PHKA1: variants seen among roughly 807,000 people sequenced by gnomAD.
The protein encoded by PHKA1 is phosphorylase kinase regulatory subunit alpha 1.
In PHKA1, 60 loss-of-function variants were observed where a neutral mutation model predicts 110.2. The observed-to-expected ratio is 0.54, with a 90% CI of 0.44 to 0.68. The LOEUF (loss-of-function observed/expected upper bound fraction) is 0.68. Among genes scored for constraint, PHKA1 ranks in the 30% least tolerant of loss-of-function variants. PHKA1 has a pLI of 0.00. For missense variants in PHKA1, 801 were observed against 942.5 expected, an observed-to-expected ratio of 0.85 and a Z score of 1.97; for synonymous variants, 316 against 333.6, an observed-to-expected ratio of 0.95 and a Z score of 0.58.
chrX:72,653,392 CCTCTT>C (rs782335812), intron 11 of PHKA1, 38 bp downstream of exon 11: 1 of 846,127 alleles, frequency 1.2e-6, no homozygotes, highest in Non-Finnish European at 1.8e-6. Context: ...AGGTACTGCT[CCTCTT>C]CTCTATCAGC....
chrX:72,675,583 G>A (rs781839081), intron 6 of PHKA1, among the ~76,000 whole-genome samples: 1 of 111,205 alleles, frequency 9.0e-6, no homozygotes, highest in Non-Finnish European at 1.9e-5. Context: ...TCTTCTTGCT[G>A]TTTCCAGAGA....
rs2147632133 is a variant in PHKA1 at position 72,578,852 on chromosome X, G to A, written c.*2150C>T. The A allele has an allele frequency of 9.0e-6, 1 of 111,475 alleles. No homozygotes were observed. The highest frequency in any genetic ancestry group is 9.6e-5 in the Admixed American group (1 of 10,468). The allele number at this position is 111,475 out of a possible 1,213,427, so 9.2% of individuals were successfully genotyped here. On this transcript the variant is annotated 3_prime_UTR_variant, in exon 32 of 32. Coordinates refer to ENST00000373542, the MANE Select transcript of PHKA1 (RefSeq NM_002637.4). ...ATTGGCACCAGACATGATTTAATTGGAAATTCTTATTATTTATTCTATTTT... is the reference window on the plus strand; with the variant it reads ...ATTGGCACCAGACATGATTTAATTGAAAATTCTTATTATTTATTCTATTTT...
At chrX:72,637,037 T>A (rs1383807381) in intron 14 of PHKA1, among the ~76,000 whole-genome samples, 2 of 111,858 alleles carry the variant, frequency 1.8e-5, no homozygotes, top group African/African-American at 6.5e-5. Context: ...TTTTTGTTTC[T>A]ATTTAATACT....
chrX:72,582,115 C>G (rs1223099340), intron 31 of PHKA1, among the ~76,000 whole-genome samples: 1 of 111,824 alleles, frequency 8.9e-6, no homozygotes, highest in Non-Finnish European at 1.9e-5. Context: ...AAATATGATG[C>G]TAATGGTATG....
At chrX:72,683,994 CTT>C (rs1184798259) in intron 5 of PHKA1, among the ~76,000 whole-genome samples, 1 of 112,203 alleles carries the variant, frequency 8.9e-6, no homozygotes, top group African/African-American at 3.2e-5. Flanking sequence ...TAGTGTCTAA[CTT>C]AACATTTTAT....
At chrX:72,643,656 T>G (rs1335460743) in intron 14 of PHKA1, among the ~76,000 whole-genome samples, 1 of 111,801 alleles carries the variant, frequency 8.9e-6, no homozygotes, top group Non-Finnish European at 1.9e-5. Context: ...TATAGTCTGG[T>G]CTTCCTCTGA....
At position 72,668,815 on chromosome X, in the gene PHKA1, C is replaced by G. The variant is rs149934719; in HGVS notation, c.619-1342G>C. On this transcript the variant is annotated intron_variant, in intron 6 of 31. Coordinates refer to ENST00000373542, the MANE Select transcript of PHKA1 (RefSeq NM_002637.4). ...GCCTCAAAGTCTTAATTCATTCCAG[C>G]ACCAAGGATAAGACTCAAAAGTCCA... 4.7e-3 allele frequency among the ~76,000 whole-genome samples: 522 copies of G among 111,672 alleles called. 3 individuals are homozygous for G. The highest frequency in any genetic ancestry group is 0.015 in the African/African-American group (472 of 30,721).
chrX:72,596,413 A>G (rs2147665677), intron 28 of PHKA1, among the ~76,000 whole-genome samples: 1 of 111,796 alleles, frequency 8.9e-6, no homozygotes, highest in East Asian at 2.8e-4. Context: ...TATATTGTAC[A>G]CTTAAAAATT....
Position 72,701,092 on chromosome X carries a change from A to G in PHKA1, c.285+4106T>C, listed in dbSNP as rs191631558. Reference sequence around the variant, plus strand: ...ATTCTTAACTTATGGCAATACAGTTATTTGCGTAAGTGCAATAAGAATCTG... The same window carrying G: ...ATTCTTAACTTATGGCAATACAGTTGTTTGCGTAAGTGCAATAAGAATCTG... On this transcript the variant is annotated intron_variant, in intron 3 of 31. Transcript: ENST00000373542. 4.4e-5 allele frequency among the ~76,000 whole-genome samples: 5 copies of G among 112,547 alleles called. No homozygotes were observed. The Admixed American group carries it at 4.7e-4, about 11-fold the overall frequency.
At chrX:72,635,562 T>A (rs1329741879) in intron 15 of PHKA1, among the ~76,000 whole-genome samples, 1 of 111,766 alleles carries the variant, frequency 8.9e-6, no homozygotes, top group African/African-American at 3.3e-5. Flanking sequence ...AGTGAGGGCT[T>A]TTCTTCTTTT....
chrX:72,600,674 C>A (rs1489228971), intron 28 of PHKA1, among the ~76,000 whole-genome samples: 1 of 111,106 alleles, frequency 9.0e-6, no homozygotes, highest in African/African-American at 3.3e-5. Context: ...GGCTCATTGT[C>A]TTCCTAAATG....
rs185271955 is a variant in PHKA1, at chrX:72,605,214, C to T, written c.2815+57G>A. 2.2e-5 allele frequency: 24 copies of T among 1,067,619 alleles called. No homozygotes were observed. The African/African-American group carries it at 2.4e-4, about 11-fold the overall frequency. The allele number at this position is 1,067,619 out of a possible 1,213,427, so 88.0% of individuals were successfully genotyped here. On this transcript the variant is annotated intron_variant, in intron 25 of 31. Transcript: ENST00000373542. Reference sequence around the variant, plus strand: ...GCTTTCTTTCTTTCCTTATTCCAAACTCTATAAACTTACATCAAAAGTGAA... The same window carrying T: ...GCTTTCTTTCTTTCCTTATTCCAAATTCTATAAACTTACATCAAAAGTGAA...
At chrX:72,582,723 C>T in intron 30 of PHKA1, 125 bp from the exon 31 acceptor site, 3 of 530,496 alleles carry the variant, frequency 5.7e-6, no homozygotes, top group Non-Finnish European at 1.0e-5. Flanking sequence ...TTCAAAATAA[C>T]TGAGTGAGTA....
At chrX:72,625,240 C>T (rs1251868495) in intron 17 of PHKA1, among the ~76,000 whole-genome samples, 9 of 111,616 alleles carry the variant, frequency 8.1e-5, no homozygotes, top group Non-Finnish European at 1.7e-4. Context: ...AGTTTGCAAT[C>T]CTCACCTACC....
chrX:72,612,843 A>G (rs191355317), intron 21 of PHKA1, among the ~76,000 whole-genome samples: 5 of 111,667 alleles, frequency 4.5e-5, no homozygotes, highest in African/African-American at 1.6e-4. Flanking sequence ...TGACTTACCT[A>G]ATTTCTGAGG....
chrX:72,668,928 C>G (rs906663412), intron 6 of PHKA1, among the ~76,000 whole-genome samples: 52 of 112,304 alleles, frequency 4.6e-4, no homozygotes, highest in African/African-American at 1.5e-3. Flanking sequence ...CAGAGATATT[C>G]CCATTCTAAA....
chrX:72,663,035 T>C (rs781897534), intron 8 of PHKA1, among the ~76,000 whole-genome samples: 3 of 110,174 alleles, frequency 2.7e-5, no homozygotes, highest in African/African-American at 9.9e-5. Context: ...GTAATAATTA[T>C]CTAGTAACAG....
Position 72,584,298 on chromosome X carries a change from T to C in PHKA1, c.3248A>G (p.His1083Arg), listed in dbSNP as rs782359304. The C allele has an allele frequency of 4.1e-6, 5 of 1,206,774 alleles. No homozygotes were observed. In the African/African-American group the frequency reaches 6.9e-5, roughly 17 times the overall value. The change falls in exon 30 of 32, where the codon CAC becomes CGC. Residue 1083 changes from histidine to arginine, a missense_variant. Physicochemically the swap from His to Arg is conservative, Grantham distance 29 (BLOSUM62 0). This residue lies in a region of PHKA1 where 502 missense variants were observed against 519.2 expected (regional missense o/e 0.97). Coordinates refer to ENST00000373542, the MANE Select transcript of PHKA1 (RefSeq NM_002637.4). ...QKVWKVLQKC[H>R]GLSVEGFVLP... ...GACAAACCCTTCAACAGAAAGTCCG[T>C]GACACTGCAAAACAGAAAAAAAACC...
chrX:72,582,970 T>A (rs1372315218), intron 30 of PHKA1, among the ~76,000 whole-genome samples: 1 of 112,237 alleles, frequency 8.9e-6, no homozygotes, highest in East Asian at 2.8e-4. Flanking sequence ...CATGAGTTTT[T>A]ACATGACTGT....
Sources: gnomAD v4.1 joint callset for allele counts (sites outside exome capture counted in the v4.1 genomes callset) on GRCh38, gnomAD v4.1.1 for gene constraint, gnomAD v4.1.1 regional missense constraint, MANE v1.5 for transcripts, NCBI Gene and HGNC (gene_info 2026-07-23, HGNC 2026-07-21) for gene names.